The following TCF4 variants were observed in gnomAD, a reference collection of about 807,000 sequenced individuals.
TCF4 encodes the protein transcription factor 4.
A neutral mutation model predicts 82.1 loss-of-function variants in TCF4; 3 were observed. The observed-to-expected ratio is 0.04, with a 90% confidence interval of 0.02 to 0.09. TCF4 has a LOEUF of 0.09. Ranked by LOEUF, TCF4 falls within the 10% of genes least tolerant of loss-of-function variation. TCF4 has a pLI of 1.00. For missense variants in TCF4, 518 were observed against 852.7 expected (o/e 0.61, Z 4.89); for synonymous variants, 276 against 309.6 (o/e 0.89, Z 1.14).
intron 3 of TCF4, among the ~76,000 whole-genome samples, chr18:55,499,868 A>C (rs540538044): frequency 6.6e-6 from 1 of 152,320 alleles, no homozygotes; most frequent in Non-Finnish European, 1.5e-5. Context: ...CAAAAAAATG[A>C]GGTTCAGCAA....
intron 3 of TCF4, among the ~76,000 whole-genome samples, chr18:55,565,929 C>T (rs867328309): frequency 2.0e-5 from 3 of 151,546 alleles, no homozygotes; most frequent in Admixed American, 6.6e-5. Context: ...TGGCCAGATA[C>T]GGTGGCTCAC....
chr18:55,262,256 T>A (rs180801129), intron 11 of TCF4, among the ~76,000 whole-genome samples: 1 of 152,294 alleles, frequency 6.6e-6, no homozygotes, highest in East Asian at 1.9e-4. Context: ...ACAAAGAGTA[T>A]TGTGAATAAT....
intron 3 of TCF4, among the ~76,000 whole-genome samples, chr18:55,577,045 A>T (rs1013551929): frequency 6.7e-6 from 1 of 148,606 alleles, no homozygotes; most frequent in African/African-American, 2.5e-5. Flanking sequence ...GCTAACATGG[A>T]GATATGAGAA....
At chr18:55,359,343 C>G (rs1423870984) in intron 6 of TCF4, among the ~76,000 whole-genome samples, 1 of 152,138 alleles carries the variant, frequency 6.6e-6, no homozygotes, top group East Asian at 1.9e-4. Flanking sequence ...CCTCTTCCTT[C>G]TAGACGTTTC....
intron 8 of TCF4, among the ~76,000 whole-genome samples, chr18:55,340,818 T>C (rs748474405): frequency 6.6e-6 from 1 of 152,198 alleles, no homozygotes; most frequent in Non-Finnish European, 1.5e-5. Flanking sequence ...AACAATAGTA[T>C]GTAACATTCA....
At chr18:55,608,472 T>C (rs1242506005) in intron 2 of TCF4, among the ~76,000 whole-genome samples, 1 of 150,644 alleles carries the variant, frequency 6.6e-6, no homozygotes, top group Non-Finnish European at 1.5e-5. Context: ...GAGGAAGGCA[T>C]TGAGTTAAAT....
At chr18:55,254,236 G>A (rs2056141681) in intron 15 of TCF4, among the ~76,000 whole-genome samples, 1 of 152,134 alleles carries the variant, frequency 6.6e-6, no homozygotes, top group African/African-American at 2.4e-5. Flanking sequence ...GAGGGATGGG[G>A]AATGACTGCT....
chr18:55,301,632 T>C (rs530223760), intron 8 of TCF4, among the ~76,000 whole-genome samples: 4 of 152,246 alleles, frequency 2.6e-5, no homozygotes, highest in Admixed American at 1.3e-4. Context: ...ATAGATCTTA[T>C]GAAGTTTAAA....
chr18:55,562,950 A>G (rs2097367879), intron 3 of TCF4, among the ~76,000 whole-genome samples: 2 of 152,136 alleles, frequency 1.3e-5, no homozygotes. Flanking sequence ...GGAATAAAAA[A>G]TGCTTTGGGC....
intron 3 of TCF4, among the ~76,000 whole-genome samples, chr18:55,501,454 T>A (rs1445347600): frequency 6.6e-6 from 1 of 152,184 alleles, no homozygotes; most frequent in Non-Finnish European, 1.5e-5. Context: ...AAATTTTTCA[T>A]AAATGAAAAT....
intron 6 of TCF4, among the ~76,000 whole-genome samples, chr18:55,362,267 G>C (rs2085383896): frequency 6.6e-6 from 1 of 151,204 alleles, no homozygotes; most frequent in Non-Finnish European, 1.5e-5. Context: ...GGTGAGTTAT[G>C]ATCGCACCAC....
At chr18:55,322,615 G>A (rs2075896205) in intron 8 of TCF4, among the ~76,000 whole-genome samples, 1 of 152,110 alleles carries the variant, frequency 6.6e-6, no homozygotes, top group Non-Finnish European at 1.5e-5. Flanking sequence ...AAGCGCGGCC[G>A]CCCATGAACT....
intron 5 of TCF4, among the ~76,000 whole-genome samples, chr18:55,415,411 TAAAAG>T (rs928271585): frequency 1.3e-5 from 2 of 151,540 alleles, no homozygotes; most frequent in Admixed American, 1.3e-4. Flanking sequence ...CCTTGAAAAG[TAAAAG>T]AAAGAAAGAA....
intron 2 of TCF4, among the ~76,000 whole-genome samples, chr18:55,607,597 C>T (rs17089898): frequency 6.6e-6 from 1 of 152,062 alleles, no homozygotes; most frequent in Non-Finnish European, 1.5e-5. Flanking sequence ...GAGTCCTAGC[C>T]CTAGGTCTGT....
At chr18:55,632,053 T>C (rs1160890121) in intron 1 of TCF4, among the ~76,000 whole-genome samples, 2 of 152,216 alleles carry the variant, frequency 1.3e-5, no homozygotes, top group Non-Finnish European at 2.9e-5. Flanking sequence ...TTTTGTTTTG[T>C]TTTGAAACGT....
At chr18:55,546,424 T>A (rs1224455773) in intron 3 of TCF4, among the ~76,000 whole-genome samples, 1 of 152,146 alleles carries the variant, frequency 6.6e-6, no homozygotes, top group Admixed American at 6.5e-5. Flanking sequence ...AGTAAAAGAA[T>A]CATAATGAAG....
chr18:55,332,337 A>C (rs187268849), intron 8 of TCF4: 1 of 152,266 alleles, frequency 6.6e-6, no homozygotes, highest in East Asian at 1.9e-4. Flanking sequence ...AAAACAGCTT[A>C]AAAAATTATT....
intron 8 of TCF4, among the ~76,000 whole-genome samples, chr18:55,283,190 A>ATT (rs771469094): frequency 6.9e-6 from 1 of 144,452 alleles, no homozygotes; most frequent in African/African-American, 2.5e-5. Flanking sequence ...TACAGATTTA[A>ATT]TTTTTTTTTT....
chr18:55,585,572 AT>A, intron 2 of TCF4: 1 of 620,196 alleles, frequency 1.6e-6, no homozygotes, highest in Non-Finnish European at 2.7e-6. Flanking sequence ...CCTCAGGTTC[AT>A]TAGATGGCCA....
Sources: gnomAD v4.1 joint callset for allele counts (sites outside exome capture counted in the v4.1 genomes callset) on GRCh38, gnomAD v4.1.1 for gene constraint, MANE v1.5 for transcripts, NCBI Gene and HGNC (gene_info 2026-07-23, HGNC 2026-07-21) for gene names.